Variants in RANBP17 observed in about 807,000 individuals in gnomAD.
RANBP17 encodes the protein RAN binding protein 17.
Under a neutral mutation model 141.2 loss-of-function variants are expected in RANBP17, and 158 were observed. The ratio of observed to expected loss-of-function variants is 1.12; its 90% CI spans 0.98 to 1.28. The LOEUF is 1.28. RANBP17 is among the 50% of genes most tolerant of loss of function. RANBP17 has a pLI of 0.00. For synonymous variants in RANBP17, 430 were observed against 450.0 expected, an observed-to-expected ratio of 0.96 and a Z score of 0.56; for missense variants, 1,438 against 1,290.7, an observed-to-expected ratio of 1.11 and a Z score of -1.75.
intron 14 of RANBP17, among the ~76,000 whole-genome samples, chr5:171,113,031 G>A (rs1050358300): frequency 6.6e-6 from 1 of 152,106 alleles, no homozygotes; most frequent in African/African-American, 2.4e-5. Context: ...GCATAGAGTA[G>A]ATACTTAATA....
intron 13 of RANBP17, among the ~76,000 whole-genome samples, chr5:170,955,336 CT>C (rs1287093476): frequency 6.6e-6 from 1 of 151,304 alleles, no homozygotes; most frequent in Non-Finnish European, 1.5e-5. Context: ...ATCAAACATT[CT>C]TTTCCACTCC....
At chr5:171,113,112 C>G (rs1278747109) in intron 14 of RANBP17, among the ~76,000 whole-genome samples, 1 of 152,144 alleles carries the variant, frequency 6.6e-6, no homozygotes, top group Non-Finnish European at 1.5e-5. Flanking sequence ...AATCAGGGAA[C>G]CCACCCAAAC....
chr5:171,023,960 GT>G (rs1435761348), intron 14 of RANBP17, among the ~76,000 whole-genome samples: 1 of 152,182 alleles, frequency 6.6e-6, no homozygotes, highest in African/African-American at 2.4e-5. Context: ...AATCAAGAGA[GT>G]AAATCTGGAC....
At chr5:171,144,128 C>T (rs965634712) in intron 14 of RANBP17, among the ~76,000 whole-genome samples, 2 of 152,012 alleles carry the variant, frequency 1.3e-5, no homozygotes, top group Admixed American at 6.6e-5. Flanking sequence ...TTCGGGAGGC[C>T]AAAGCAGGTG....
chr5:171,274,113 T>A (rs1016359560), intron 25 of RANBP17, among the ~76,000 whole-genome samples: 3 of 74,656 alleles, frequency 4.0e-5, no homozygotes, highest in African/African-American at 1.5e-4. Context: ...TTTGATCAAG[T>A]GTGTGTGTGT....
chr5:171,216,839 A>G (rs1175680493), intron 21 of RANBP17, among the ~76,000 whole-genome samples: 1 of 152,192 alleles, frequency 6.6e-6, no homozygotes, highest in Non-Finnish European at 1.5e-5. Flanking sequence ...CTAAATATAC[A>G]ATCATGTCAT....
intron 13 of RANBP17, among the ~76,000 whole-genome samples, chr5:170,965,827 T>G (rs1010036605): frequency 5.9e-5 from 9 of 152,162 alleles, no homozygotes; most frequent in African/African-American, 2.2e-4. Flanking sequence ...TGAAGTCAGG[T>G]AGCATGATGC....
chr5:171,104,763 C>T (rs530862312), intron 14 of RANBP17, among the ~76,000 whole-genome samples: 12 of 152,318 alleles, frequency 7.9e-5, no homozygotes, highest in African/African-American at 2.4e-4. Context: ...CCTTATAGGT[C>T]TAATGTGAGG....
intron 14 of RANBP17, among the ~76,000 whole-genome samples, chr5:171,099,412 T>C (rs1351305909): frequency 2.0e-5 from 3 of 150,846 alleles, no homozygotes; most frequent in Admixed American, 2.0e-4. Flanking sequence ...TTGGCTGATA[T>C]TGGTGTATAG....
chr5:171,252,845 G>T (rs554042202), intron 24 of RANBP17: 6 of 1,276,028 alleles, frequency 4.7e-6, no homozygotes, highest in Non-Finnish European at 6.9e-6. Flanking sequence ...ATAGTTAAGA[G>T]TCATGATTTT....
chr5:171,056,670 C>G (rs1472805774), intron 14 of RANBP17, among the ~76,000 whole-genome samples: 1 of 151,968 alleles, frequency 6.6e-6, no homozygotes, highest in Admixed American at 6.6e-5. Flanking sequence ...TTTAGGGGAC[C>G]TAATATCTAA....
intron 14 of RANBP17, among the ~76,000 whole-genome samples, chr5:171,121,103 C>A (rs1250585086): frequency 6.6e-6 from 1 of 152,176 alleles, no homozygotes; most frequent in African/African-American, 2.4e-5. Flanking sequence ...AAGGCTGTTT[C>A]TTATGTTAGG....
chr5:170,961,624 A>T (rs1027858234), intron 13 of RANBP17, among the ~76,000 whole-genome samples: 2 of 152,230 alleles, frequency 1.3e-5, no homozygotes, highest in Non-Finnish European at 2.9e-5. Flanking sequence ...GAAGCATTTC[A>T]GATTATGGAT....
At chr5:170,983,170 G>T (rs907079770) in intron 14 of RANBP17, 3 of 480,156 alleles carry the variant, frequency 6.2e-6, no homozygotes, top group African/African-American at 3.9e-5. Flanking sequence ...ACAGGAGAGA[G>T]GCTAAGGGAA....
intron 14 of RANBP17, 62 bp from the exon 15 acceptor site, chr5:171,170,067 GA>G: frequency 1.1e-6 from 1 of 872,828 alleles, no homozygotes; most frequent in Non-Finnish European, 1.8e-6. Flanking sequence ...TGTTCAATTC[GA>G]ATAGTCTTTT....
chr5:171,182,213 G>GT (rs1425113793), intron 16 of RANBP17, among the ~76,000 whole-genome samples: 2 of 152,144 alleles, frequency 1.3e-5, no homozygotes, highest in African/African-American at 4.8e-5. Flanking sequence ...CAAGAAAGGC[G>GT]TGAGTAGGTA....
intron 14 of RANBP17, among the ~76,000 whole-genome samples, chr5:171,136,726 T>G (rs1214940983): frequency 6.6e-6 from 1 of 152,164 alleles, no homozygotes; most frequent in Non-Finnish European, 1.5e-5. Context: ...ACTTCCTAGC[T>G]TAGGTCTTTT....
chr5:171,240,127 CA>C (rs570621699), intron 22 of RANBP17, among the ~76,000 whole-genome samples: 91 of 149,520 alleles, frequency 6.1e-4, no homozygotes, highest in Non-Finnish European at 1.1e-3. Context: ...CAGGAAAAAG[CA>C]GAGGTAAGAA....
chr5:171,182,615 C>G (rs775201419), intron 16 of RANBP17, among the ~76,000 whole-genome samples: 1 of 152,128 alleles, frequency 6.6e-6, no homozygotes, highest in African/African-American at 2.4e-5. Context: ...TATGGAAATG[C>G]CTTTTACGTA....
Sources: allele counts gnomAD v4.1 joint callset (sites outside exome capture counted in the v4.1 genomes callset), GRCh38; gene constraint gnomAD v4.1.1; transcripts MANE v1.5; gene names NCBI Gene and HGNC (gene_info 2026-07-23, HGNC 2026-07-21).